The following KPNA6 variants were observed in gnomAD, a reference collection of about 807,000 sequenced individuals.
KPNA6 encodes the protein importin subunit alpha-7.
In KPNA6, 9 loss-of-function variants were observed where a neutral mutation model predicts 72.0. The observed-to-expected ratio is 0.13, with a 90% CI of 0.08 to 0.22. The LOEUF (loss-of-function observed/expected upper bound fraction) is 0.22, where lower values mean the gene tolerates loss of function less well. Among genes scored for constraint, KPNA6 ranks in the 10% least tolerant of loss-of-function variants. The probability of loss-of-function intolerance (pLI) is 1.00; values close to 1 mark genes in which losing one functional copy is unlikely to be tolerated. For missense variants in KPNA6, 374 were observed against 655.7 expected, an observed-to-expected ratio of 0.57 and a Z score of 4.69; for synonymous variants, 219 against 242.1, an observed-to-expected ratio of 0.90 and a Z score of 0.89.
intron 9 of KPNA6, among the ~76,000 whole-genome samples, chr1:32,162,821 C>G (rs1239947112): frequency 6.6e-6 from 1 of 150,782 alleles, no homozygotes; most frequent in Admixed American, 6.6e-5. Flanking sequence ...GGTGACAGAG[C>G]AAGACTCCGT....
chr1:32,170,641 G>A, intron 13 of KPNA6, 66 bp from the exon 14 acceptor site: 1 of 1,376,612 alleles, frequency 7.3e-7, no homozygotes. Flanking sequence ...GGAAAAATAG[G>A]TAAATGTTTC....
In KPNA6 at chr1:32,120,169, A is replaced by G. The variant is rs770526631; in HGVS notation, c.4+12035A>G. Among the ~76,000 whole-genome samples, 12 of 152,198 alleles carry G rather than the reference A, an allele frequency of 7.9e-5. 1 individual carries two copies. Among genetic ancestry groups the G allele is most frequent in the Admixed American group, 2.6e-4 (4 of 15,258 alleles). Reference sequence around the variant, plus strand: ...TGTCTTATTTGTAAATGTTACTTCAATTAATATTCTGTGTATCTTATGAAA... The same window carrying G: ...TGTCTTATTTGTAAATGTTACTTCAGTTAATATTCTGTGTATCTTATGAAA... On this transcript the variant is annotated intron_variant, in intron 1 of 13. Coordinates refer to ENST00000373625, the MANE Select transcript of KPNA6 (RefSeq NM_012316.5).
chr1:32,132,641 A>C (rs1008732105), intron 1 of KPNA6, among the ~76,000 whole-genome samples: 1 of 152,098 alleles, frequency 6.6e-6, no homozygotes, highest in African/African-American at 2.4e-5. Context: ...TGGTGGCTCA[A>C]GCCTGTAATC....
chr1:32,155,915 A>ATTTTTTTTTTTTTTTTTTT (rs747284319), intron 2 of KPNA6, among the ~76,000 whole-genome samples: 1 of 105,050 alleles, frequency 9.5e-6, no homozygotes, highest in African/African-American at 3.8e-5. Flanking sequence ...ATTTTTGTGG[A>ATTTTTTTTTTTTTTTTTTT]TTTTTTTTTT....
intron 1 of KPNA6, among the ~76,000 whole-genome samples, chr1:32,127,529 C>G (rs1228437312): frequency 1.3e-5 from 2 of 152,160 alleles, no homozygotes; most frequent in African/African-American, 4.8e-5. Flanking sequence ...TGTATTGTTG[C>G]TAAGAGCTAA....
intron 1 of KPNA6, among the ~76,000 whole-genome samples, chr1:32,135,746 G>A (rs974601155): frequency 2.0e-5 from 3 of 151,158 alleles, no homozygotes; most frequent in African/African-American, 7.3e-5. Context: ...GGAATTACAG[G>A]CATTAGCTGC....
In KPNA6 at chr1:32,173,425, C is replaced by G. The variant is rs1642473232; in HGVS notation, c.*2531C>G. On this transcript the variant is annotated 3_prime_UTR_variant, in exon 14 of 14. Coordinates refer to ENST00000373625, the MANE Select transcript of KPNA6 (RefSeq NM_012316.5). ...TTGGTGATCTGGCTGCTGCTTAAAG[C>G]CAGTTTTCCCTAAGAACTCCAAAGG... The G allele has an allele frequency of 3.9e-6, 1 of 253,918 alleles. No individual in the cohort carries two copies. The allele number at this position is 253,918 out of a possible 1,614,324, so 15.7% of individuals were successfully genotyped here.
intron 5 of KPNA6, 73 bp downstream of exon 5, chr1:32,158,434 T>C (rs1642182876): frequency 1.2e-6 from 1 of 854,788 alleles, no homozygotes; most frequent in Non-Finnish European, 1.9e-6. Flanking sequence ...TATATATTTA[T>C]GGGATACATG....
chr1:32,120,191 GA>G (rs1641407274), intron 1 of KPNA6, among the ~76,000 whole-genome samples: 1 of 151,684 alleles, frequency 6.6e-6, no homozygotes, highest in African/African-American at 2.4e-5. Flanking sequence ...TGTATCTTAT[GA>G]AATATTACGT....
At position 32,162,377 on chromosome 1, in the gene KPNA6, C is replaced by T; in HGVS notation, c.764C>T (p.Pro255Leu). ...TTCCCACAGGTCTCTCCTTGTTTGC[C>T]TGTACTGTCTCGCCTACTCTTCAGC... ...PEFAKVSPCLPVLSRLLFSSD... is the reference protein window; with the variant it reads ...PEFAKVSPCLLVLSRLLFSSD... The change falls in exon 9 of 14, where the codon CCT (proline) becomes CTT (leucine). Residue 255 changes from proline to leucine, a missense_variant. Around this residue, in one of 3 missense-constraint regions of KPNA6, gnomAD observed 298 missense variants for 495.4 expected, o/e 0.60. Coordinates refer to ENST00000373625, the MANE Select transcript of KPNA6 (RefSeq NM_012316.5). 1 of 1,603,268 alleles carries T rather than the reference C, an allele frequency of 6.2e-7. No individual in the cohort carries two copies. Among genetic ancestry groups the T allele is most frequent in the East Asian group, 2.2e-5 (1 of 44,860 alleles).
At chr1:32,136,143 A>G (rs1459272405) in intron 1 of KPNA6, among the ~76,000 whole-genome samples, 2 of 151,332 alleles carry the variant, frequency 1.3e-5, no homozygotes, top group Non-Finnish European at 2.9e-5. Context: ...AACATTAAAC[A>G]GTTGGCTGTA....
rs184513512 is a variant in KPNA6 at position 32,151,524 on chromosome 1, G to A, written c.5-3064G>A. Among the ~76,000 whole-genome samples, 18 of 151,954 alleles carry A rather than the reference G, an allele frequency of 1.2e-4. No homozygotes were observed. In the East Asian group the frequency reaches 2.5e-3, roughly 21 times the overall value. ...TTTTTTTCTGCCTATTTCTCTCCTCGCTGGAATGCTGTCTCAGTGTTTTCA... is the reference window on the plus strand; with the variant it reads ...TTTTTTTCTGCCTATTTCTCTCCTCACTGGAATGCTGTCTCAGTGTTTTCA... On this transcript the variant is annotated intron_variant, in intron 1 of 13. Transcript: ENST00000373625.
At chr1:32,117,051 AC>A (rs1641339768) in intron 1 of KPNA6, among the ~76,000 whole-genome samples, 1 of 152,248 alleles carries the variant, frequency 6.6e-6, no homozygotes, top group African/African-American at 2.4e-5. Flanking sequence ...AAAACAAAAA[AC>A]AAAAGTTTGA....
chr1:32,122,105 C>G (rs879783818), intron 1 of KPNA6, among the ~76,000 whole-genome samples: 1 of 151,738 alleles, frequency 6.6e-6, no homozygotes, highest in Non-Finnish European at 1.5e-5. Context: ...GAAACCCCGT[C>G]TGTACTAAAA....
chr1:32,155,307 T>G (rs1178672519), intron 2 of KPNA6, among the ~76,000 whole-genome samples: 13 of 150,428 alleles, frequency 8.6e-5, no homozygotes, highest in Non-Finnish European at 1.9e-4. Context: ...CTTGTTACCT[T>G]TTCTTTTCTT....
At chr1:32,110,316 C>T (rs888819776) in intron 1 of KPNA6, among the ~76,000 whole-genome samples, 3 of 151,444 alleles carry the variant, frequency 2.0e-5, no homozygotes, top group Non-Finnish European at 4.4e-5. Flanking sequence ...CTGCCCGTCT[C>T]GGCCTCCCAA....
chr1:32,130,742 G>A (rs1338918134), intron 1 of KPNA6, among the ~76,000 whole-genome samples: 7 of 151,436 alleles, frequency 4.6e-5, no homozygotes, highest in Admixed American at 3.3e-4. Flanking sequence ...CAGCCTGGGC[G>A]ACAGAGTGAG....
At position 32,156,951 on chromosome 1, in the gene KPNA6, G is replaced by C; in HGVS notation, c.231+6G>C. 1 of 1,606,350 alleles carries C rather than the reference G, an allele frequency of 6.2e-7. No homozygotes were observed. Among genetic ancestry groups the C allele is most frequent in the Non-Finnish European group, 8.5e-7 (1 of 1,173,472 alleles). ...ATGTGAGCTCTACCACTGGGGTAAG[G>C]CCCCTGCATGTGCCTCAGGCTGACC... On this transcript the variant is annotated splice_donor_region_variant and intron_variant, in intron 3 of 13. Transcript: ENST00000373625.
chr1:32,167,037 A>G (rs1244145147), intron 11 of KPNA6, 132 bp from the exon 12 acceptor site: 9 of 1,144,380 alleles, frequency 7.9e-6, no homozygotes, highest in Non-Finnish European at 1.0e-5. Flanking sequence ...CCTGTCACCT[A>G]TATAGGAAGA....
Sources: gnomAD v4.1 joint callset for allele counts (sites outside exome capture counted in the v4.1 genomes callset) on GRCh38, gnomAD v4.1.1 for gene constraint, gnomAD v4.1.1 regional missense constraint, MANE v1.5 for transcripts, NCBI Gene and HGNC (gene_info 2026-07-23, HGNC 2026-07-21) for gene names.